Variants in ITGA9 observed in about 807,000 individuals in gnomAD.
ITGA9 encodes integrin subunit alpha 9.
In ITGA9, 56 loss-of-function variants were observed where a neutral mutation model predicts 127.8. That is an observed-to-expected ratio of 0.44 (90% CI 0.35 to 0.55). ITGA9 has a LOEUF of 0.55. ITGA9 is among the 20% of genes least tolerant of loss of function. ITGA9 has a pLI of 0.00. For synonymous variants in ITGA9, 508 were observed against 514.5 expected (o/e 0.99, Z 0.17); for missense variants, 1,196 against 1,347.1 (o/e 0.89, Z 1.76).
intron 13 of ITGA9, among the ~76,000 whole-genome samples, chr3:37,531,602 G>A (rs938398941): frequency 6.6e-6 from 1 of 152,152 alleles, no homozygotes; most frequent in East Asian, 1.9e-4. Flanking sequence ...GGGCGGGCTA[G>A]GCTTTTCTTC....
chr3:37,677,699 C>A (rs1046438497), intron 17 of ITGA9, among the ~76,000 whole-genome samples: 7 of 152,142 alleles, frequency 4.6e-5, no homozygotes, highest in Admixed American at 1.3e-4. Context: ...TGCTGAGTGG[C>A]CTTGGGGAAG....
In ITGA9 at chr3:37,627,266, G is replaced by A. The variant is rs1700184485; in HGVS notation, c.1690-1921G>A. Among the ~76,000 whole-genome samples, 4 of 152,272 alleles carry A rather than the reference G, an allele frequency of 2.6e-5. 1 individual carries two copies. In the South Asian group the frequency reaches 8.3e-4, roughly 32 times the overall value. ...CCAGTCACTCGGGCTCCCACCCCGG[G>A]AGTCATCTGTCCCCTTTGCCTGGTC... On this transcript the variant is annotated intron_variant, in intron 15 of 27. Transcript: ENST00000264741.
At chr3:37,680,909 T>C (rs542384626) in intron 17 of ITGA9, among the ~76,000 whole-genome samples, 1 of 152,340 alleles carries the variant, frequency 6.6e-6, no homozygotes, top group Non-Finnish European at 1.5e-5. Flanking sequence ...TTGGAGGCCG[T>C]TCAAGAATTT....
chr3:37,680,164 T>G (rs1700721626), intron 17 of ITGA9, among the ~76,000 whole-genome samples: 1 of 152,152 alleles, frequency 6.6e-6, no homozygotes, highest in African/African-American at 2.4e-5. Flanking sequence ...TTTCCTCATC[T>G]CTCTAATATG....
At chr3:37,483,202 A>G (rs1224469177) in intron 4 of ITGA9, among the ~76,000 whole-genome samples, 1 of 152,126 alleles carries the variant, frequency 6.6e-6, no homozygotes, top group African/African-American at 2.4e-5. Flanking sequence ...GGGACACATG[A>G]TGGTCCCTGA....
At chr3:37,548,276 G>A (rs1699346727) in intron 15 of ITGA9, among the ~76,000 whole-genome samples, 1 of 152,148 alleles carries the variant, frequency 6.6e-6, no homozygotes, top group African/African-American at 2.4e-5. Flanking sequence ...CAGATTGGTG[G>A]TTTTCAGCGG....
intron 23 of ITGA9, among the ~76,000 whole-genome samples, chr3:37,756,163 A>AAC (rs1400732317): frequency 6.6e-6 from 1 of 151,956 alleles, no homozygotes; most frequent in Non-Finnish European, 1.5e-5. Flanking sequence ...GGCATTCAAA[A>AAC]AAAAAAGGCA....
chr3:37,608,588 G>C (rs1363563731), intron 15 of ITGA9, among the ~76,000 whole-genome samples: 2 of 152,148 alleles, frequency 1.3e-5, no homozygotes, highest in African/African-American at 4.8e-5. Flanking sequence ...TGGCATTTGT[G>C]AATCATTTTA....
chr3:37,718,773 G>A (rs1701160237), intron 18 of ITGA9, among the ~76,000 whole-genome samples: 1 of 152,172 alleles, frequency 6.6e-6, no homozygotes. Flanking sequence ...GCATGCCGAC[G>A]CCACATGCAT....
intron 26 of ITGA9, among the ~76,000 whole-genome samples, chr3:37,802,421 A>C (rs998843784): frequency 6.6e-6 from 1 of 152,174 alleles, no homozygotes; most frequent in East Asian, 1.9e-4. Context: ...GGATTGAACT[A>C]GGTTTAGAAA....
chr3:37,663,566 A>G (rs916049290), intron 17 of ITGA9, among the ~76,000 whole-genome samples: 2 of 152,238 alleles, frequency 1.3e-5, no homozygotes, highest in Non-Finnish European at 2.9e-5. Flanking sequence ...CCAGTCTTCC[A>G]GAGGAGGATC....
chr3:37,656,018 A>G (rs1434695244), intron 17 of ITGA9, among the ~76,000 whole-genome samples: 1 of 152,100 alleles, frequency 6.6e-6, no homozygotes, highest in Non-Finnish European at 1.5e-5. Flanking sequence ...GTGTGGTGTT[A>G]TTTCTAGGCC....
At chr3:37,675,877 G>A (rs1700676826) in intron 17 of ITGA9, among the ~76,000 whole-genome samples, 1 of 150,938 alleles carries the variant, frequency 6.6e-6, no homozygotes, top group Non-Finnish European at 1.5e-5. Flanking sequence ...CTAAGTAGCT[G>A]GGACTACAGG....
chr3:37,452,522 T>C lies in ITGA9; in HGVS notation c.148T>C (p.Tyr50His). 1 of 1,528,354 alleles carries C rather than the reference T, an allele frequency of 6.5e-7. No homozygotes were observed. The highest frequency in any genetic ancestry group is 8.8e-7 in the Non-Finnish European group (1 of 1,137,846). The allele number at this position is 1,528,354 out of a possible 1,614,324, so 94.7% of individuals were successfully genotyped here. A position where few individuals can be genotyped will look rare whatever the true frequency, so the allele number is the denominator to read the frequency against. The change falls in exon 1 of 28, where the codon TAC becomes CAC. Residue 50 changes from tyrosine to histidine, a missense_variant. Tyr to His is a moderately conservative substitution (Grantham distance 83). Transcript: ENST00000264741. This position sits in a 1 kb window ranked among gnomAD's most constrained non-coding sequence, Gnocchi z 7.3. ...GGGCCCCGCTGACTCGTTCTTCGGC[T>C]ACGCAGTTCTGGAGCATTTCCACGA... ...FQGPADSFFG[Y>H]AVLEHFHDNT... is the part of the protein sequence containing the mutation.
chr3:37,622,947 C>G (rs1354285877), intron 15 of ITGA9, among the ~76,000 whole-genome samples: 1 of 152,080 alleles, frequency 6.6e-6, no homozygotes, highest in Non-Finnish European at 1.5e-5. Flanking sequence ...TATCTGATTA[C>G]AAATATGTTA....
intron 23 of ITGA9, among the ~76,000 whole-genome samples, chr3:37,776,470 C>T (rs1021846417): frequency 4.6e-5 from 7 of 152,202 alleles, no homozygotes; most frequent in African/African-American, 1.7e-4. Context: ...CTGTGGTTAG[C>T]CATGGGATTG....
At position 37,506,003 on chromosome 3, in the gene ITGA9, A is replaced by G; in HGVS notation, c.746A>G (p.Tyr249Cys). ...IMNRRYTYLGYAVTAGHFSHP... is the reference protein window; with the variant it reads ...IMNRRYTYLGCAVTAGHFSHP... ...GGTTTCCGCCCATCCTGTTCAGGCT[A>G]CGCAGTGACCGCTGGCCACTTCTCT... Residue 249 changes from tyrosine to cysteine, a missense_variant, in exon 7 of 28, where the codon TAC (tyrosine) becomes TGC (cysteine). Tyr to Cys is a radical substitution (Grantham distance 194). Transcript: ENST00000264741. The G allele has an allele frequency of 6.2e-7, 1 of 1,602,532 alleles. No individual in the cohort carries two copies. Among genetic ancestry groups the G allele is most frequent in the Non-Finnish European group, 8.5e-7 (1 of 1,174,298 alleles).
At chr3:37,659,448 C>T (rs1333995257) in intron 17 of ITGA9, among the ~76,000 whole-genome samples, 1 of 151,596 alleles carries the variant, frequency 6.6e-6, no homozygotes, top group African/African-American at 2.4e-5. Flanking sequence ...TCTCTGATAT[C>T]CTTTCTTCTG....
At chr3:37,758,801 A>G (rs1471230758) in intron 23 of ITGA9, among the ~76,000 whole-genome samples, 1 of 152,300 alleles carries the variant, frequency 6.6e-6, no homozygotes, top group East Asian at 1.9e-4. Flanking sequence ...CCCTAAAAAA[A>G]TCCAAGAGAA....
Sources: gnomAD v4.1 joint callset for allele counts (sites outside exome capture counted in the v4.1 genomes callset) on GRCh38, gnomAD v4.1.1 for gene constraint, Gnocchi (gnomAD v3.1) non-coding constraint, MANE v1.5 for transcripts, NCBI Gene and HGNC (gene_info 2026-07-23, HGNC 2026-07-21) for gene names.